The following EML1 variants were observed in gnomAD, a reference collection of about 807,000 sequenced individuals.
EML1 encodes the protein EMAP like 1.
Under a neutral mutation model 110.4 loss-of-function variants are expected in EML1, and 27 were observed. That is an observed-to-expected ratio of 0.24 (90% confidence interval 0.18 to 0.34). The LOEUF is 0.34. EML1 is among the 10% of genes least tolerant of loss of function. The pLI, the probability that EML1 is intolerant of heterozygous loss-of-function variation, is 1.00. For synonymous variants in EML1, 344 were observed against 385.8 expected (o/e 0.89, Z 1.27); for missense variants, 741 against 1,030.9 (o/e 0.72, Z 3.85).
chr14:99,874,699 A>G (rs2059260356), intron 3 of EML1, among the ~76,000 whole-genome samples: 1 of 152,208 alleles, frequency 6.6e-6, no homozygotes, highest in Non-Finnish European at 1.5e-5. Context: ...CGTCTGGGAC[A>G]ACAGTAAGAT....
chr14:99,886,274 G>C (rs2059473423), intron 4 of EML1, among the ~76,000 whole-genome samples: 1 of 152,158 alleles, frequency 6.6e-6, no homozygotes, highest in African/African-American at 2.4e-5. Flanking sequence ...TTGAGGCCAG[G>C]AGTTTGACAC....
chr14:99,926,507 G>T (rs4905918), intron 17 of EML1, among the ~76,000 whole-genome samples: 1 of 151,652 alleles, frequency 6.6e-6, no homozygotes. Flanking sequence ...CTGGTCTCAA[G>T]CTCCTAGCCT....
rs943266608 is a variant in EML1 at position 99,939,596 on chromosome 14, C to T, written c.2322+269C>T. On this transcript the variant is annotated intron_variant, in intron 21 of 21. Transcript: ENST00000262233. This position sits in a 1 kb window ranked among gnomAD's most constrained non-coding sequence, Gnocchi z 4.2. ...CGCCCTCCCCCACGGCTCCCTTGCT[C>T]CGGCCCTGCTCAGCCGCGCCAGCCC... Among the ~76,000 whole-genome samples the T allele has an allele frequency of 6.6e-6, 1 of 152,154 alleles. No individual in the cohort carries two copies. Among genetic ancestry groups the T allele is most frequent in the South Asian group, 2.1e-4 (1 of 4,830 alleles).
At chr14:99,851,144 A>G (rs1392746794) in intron 2 of EML1, 109 bp downstream of exon 2, 3 of 1,194,166 alleles carry the variant, frequency 2.5e-6, no homozygotes, top group African/African-American at 1.5e-5. Context: ...CGAAACTTAG[A>G]ATAACAATAA....
At chr14:99,853,400 G>T (rs970155053) in intron 2 of EML1, among the ~76,000 whole-genome samples, 1 of 151,956 alleles carries the variant, frequency 6.6e-6, no homozygotes. Flanking sequence ...CACGGGAGGG[G>T]TGTGCCCGTG....
rs1010323037 is a variant in EML1, at chr14:99,811,369, A to C, written c.67+17826A>C. On this transcript the variant is annotated intron_variant, in intron 1 of 21. Transcript: ENST00000262233. Reference sequence around the variant, plus strand: ...TGTTGAGTGTAACATTTGACTCCTCAAAGTCTTAACTACTAACAGCTTACT... The same window carrying C: ...TGTTGAGTGTAACATTTGACTCCTCCAAGTCTTAACTACTAACAGCTTACT... Among the ~76,000 whole-genome samples the C allele has an allele frequency of 2.0e-5, 3 of 147,776 alleles. 1 individual carries two copies. Among genetic ancestry groups the C allele is most frequent in the Admixed American group, 1.3e-4 (2 of 14,928 alleles).
rs746610561 is a variant in EML1 at position 99,909,341 on chromosome 14, A to G, written c.1105-4A>G. 5.6e-6 allele frequency: 9 copies of G among 1,614,142 alleles called. No individual in the cohort carries two copies. The South Asian group carries it at 7.7e-5, about 14-fold the overall frequency. On this transcript the variant is annotated splice_polypyrimidine_tract_variant and splice_region_variant and intron_variant, in intron 10 of 21. Transcript: ENST00000262233. ...AGGCATCCGAGTCCCTGTTTTTCCT[A>G]TAGTGCTCTAATGAAGCTGTGTTTG...
chr14:99,846,121 A>G (rs1442432300), intron 1 of EML1, among the ~76,000 whole-genome samples: 1 of 151,940 alleles, frequency 6.6e-6, no homozygotes, highest in Non-Finnish European at 1.5e-5. Context: ...GCAAGACAGA[A>G]TTATTTATCC....
chr14:99,932,989 A>AG (rs2060400267), intron 17 of EML1, among the ~76,000 whole-genome samples: 1 of 152,054 alleles, frequency 6.6e-6, no homozygotes, highest in African/African-American at 2.4e-5. Flanking sequence ...ATAGTAGCGC[A>AG]CATCTGTAGT....
intron 4 of EML1, among the ~76,000 whole-genome samples, chr14:99,888,679 A>G (rs1055985596): frequency 2.0e-5 from 3 of 152,240 alleles, no homozygotes; most frequent in African/African-American, 7.2e-5. Context: ...CTACAGTATC[A>G]TAGCTATTTT....
At chr14:99,788,631 ATGTG>A (rs376095429), upstream of EML1, among the ~76,000 whole-genome samples, 7 of 150,250 alleles carry the variant, frequency 4.7e-5, no homozygotes, top group African/African-American at 1.2e-4. Flanking sequence ...TCTCCCTAAT[ATGTG>A]TGTGTGTGTG....
intron 1 of EML1, among the ~76,000 whole-genome samples, chr14:99,809,166 A>AT (rs537833520): frequency 1.3e-5 from 2 of 152,192 alleles, no homozygotes; most frequent in South Asian, 2.1e-4. Context: ...AAATTTTGTT[A>AT]TTTTTTTCCC....
chr14:99,774,033 C>G (rs891195015), intron 1 of EML1: 47 of 152,482 alleles, frequency 3.1e-4, no homozygotes, highest in Admixed American at 2.7e-3. Context: ...TTCCCCCACT[C>G]CCTCCTTCAG....
At chr14:99,845,259 A>G (rs2058689931) in intron 1 of EML1, among the ~76,000 whole-genome samples, 1 of 152,190 alleles carries the variant, frequency 6.6e-6, no homozygotes, top group Non-Finnish European at 1.5e-5. Flanking sequence ...TTCCATAATG[A>G]CTAATGATGT....
At chr14:99,769,105 T>C (rs2057396437), upstream of EML1, among the ~76,000 whole-genome samples, 1 of 152,124 alleles carries the variant, frequency 6.6e-6, no homozygotes, top group African/African-American at 2.4e-5. Context: ...GGTTTGAGGT[T>C]ACCAAGAACT....
chr14:99,936,060 C>G lies in EML1; in HGVS notation c.1941C>G (p.Asp647Glu), dbSNP rs371654215. 54 of 1,614,028 alleles carry G rather than the reference C, an allele frequency of 3.3e-5. No individual in the cohort carries two copies. Among genetic ancestry groups the G allele is most frequent in the Non-Finnish European group, 4.5e-5 (53 of 1,180,054 alleles). Reference sequence around the variant, plus strand: ...ATTTCTTAGCCATAGGCTCACATGACAACTGCATCTATATATATGGCGTTA... The same window carrying G: ...ATTTCTTAGCCATAGGCTCACATGAGAACTGCATCTATATATATGGCGTTA... The part of the protein sequence containing the change: ...DGNFLAIGSH[D>E]NCIYIYGVSD... The change falls in exon 18 of 22, where the codon GAC becomes GAG. Residue 647 changes from aspartate to glutamate, a missense_variant. Transcript: ENST00000262233. The surrounding 1 kb of genome is among the most constrained non-coding windows in gnomAD (Gnocchi z 5.5).
At chr14:99,820,404 G>A (rs1329703416) in intron 1 of EML1, among the ~76,000 whole-genome samples, 1 of 152,076 alleles carries the variant, frequency 6.6e-6, no homozygotes, top group Non-Finnish European at 1.5e-5. Flanking sequence ...CCTTACTATT[G>A]GTAGCCCGTG....
intron 4 of EML1, among the ~76,000 whole-genome samples, chr14:99,888,640 C>T (rs1002069936): frequency 1.3e-5 from 2 of 152,150 alleles, no homozygotes; most frequent in Non-Finnish European, 2.9e-5. Flanking sequence ...ATGTCACTTC[C>T]ACCCTAAAAA....
chr14:99,811,169 T>G (rs2058072451), intron 1 of EML1, among the ~76,000 whole-genome samples: 1 of 147,746 alleles, frequency 6.8e-6, no homozygotes, highest in Non-Finnish European at 1.5e-5. Context: ...AATAGGGGTT[T>G]TTTTTTTGTT....
Sources: gnomAD v4.1 joint callset for allele counts (sites outside exome capture counted in the v4.1 genomes callset) on GRCh38, gnomAD v4.1.1 for gene constraint, Gnocchi (gnomAD v3.1) non-coding constraint, MANE v1.5 for transcripts, NCBI Gene and HGNC (gene_info 2026-07-23, HGNC 2026-07-21) for gene names.